The following ZSWIM5 variants were observed in gnomAD, a reference collection of about 807,000 sequenced individuals.
ZSWIM5 encodes zinc finger SWIM-type containing 5.
ZSWIM5 carries 55 observed loss-of-function variants against 119.6 expected under a neutral mutation model. That is an observed-to-expected ratio of 0.46 (90% CI 0.37 to 0.58). The LOEUF (loss-of-function observed/expected upper bound fraction) is 0.58. Among genes scored for constraint, ZSWIM5 ranks in the 20% least tolerant of loss-of-function variants. ZSWIM5 has a pLI of 0.00. For missense variants in ZSWIM5, 1,193 were observed against 1,512.8 expected, an observed-to-expected ratio of 0.79 and a Z score of 3.51; for synonymous variants, 537 against 606.9, an observed-to-expected ratio of 0.88 and a Z score of 1.69.
At chr1:45,081,839 C>G (rs1273279495) in intron 2 of ZSWIM5, among the ~76,000 whole-genome samples, 1 of 152,044 alleles carries the variant, frequency 6.6e-6, no homozygotes, top group Non-Finnish European at 1.5e-5. Context: ...CCCAACAGCT[C>G]ATTGAGAACG....
chr1:45,096,554 G>GCA lies in ZSWIM5; in HGVS notation c.596-8319_596-8318dup, dbSNP rs371529571. Among the ~76,000 whole-genome samples the GCA allele has an allele frequency of 2.0e-3, 274 of 135,328 alleles. 1 individual carries two copies. Among genetic ancestry groups the GCA allele is most frequent in the South Asian group, 4.6e-3 (19 of 4,142 alleles). The allele number at this position is 135,328 out of a possible 152,430, so 88.8% of individuals were successfully genotyped here. The stretch of plus-strand genomic sequence containing the variant: ...CCTATCAACACACACACACACACAC[G>GCA]CACACACACACACACACACACAGCC... On this transcript the variant is annotated intron_variant, in intron 1 of 13. Coordinates refer to ENST00000359600, the MANE Select transcript of ZSWIM5 (RefSeq NM_020883.2).
rs772815276 is a variant in ZSWIM5 at position 45,206,213 on chromosome 1, G to C, written c.138C>G (p.Gly46=). ...SPGAAGGGAG[G]VGSSCLVLGA... ...CGAGGACCAGGCAGCTGCTGCCGAC[G>C]CCCCCTGCCCCTCCGCCGGCTGCCC... The change falls in exon 1 of 14, where the codon GGC becomes GGG. Residue 46 remains glycine, a synonymous_variant. Transcript: ENST00000359600. 6.3e-7 allele frequency: 1 copy of C among 1,588,320 alleles called. No individual in the cohort carries two copies. The highest frequency in any genetic ancestry group is 1.1e-5 in the South Asian group (1 of 87,962).
At chr1:45,110,682 C>G (rs554520788) in intron 1 of ZSWIM5, among the ~76,000 whole-genome samples, 3 of 151,912 alleles carry the variant, frequency 2.0e-5, no homozygotes, top group Non-Finnish European at 4.4e-5. Flanking sequence ...CATGCAAAAT[C>G]GACAAGAAAA....
chr1:45,048,082 C>CTTTT (rs1187025417), intron 5 of ZSWIM5, among the ~76,000 whole-genome samples: 1 of 85,246 alleles, frequency 1.2e-5, no homozygotes, highest in Non-Finnish European at 2.3e-5. Flanking sequence ...TTTCTTTTCT[C>CTTTT]TTTTTTTTTT....
chr1:45,156,400 C>G (rs1340995719), intron 1 of ZSWIM5, among the ~76,000 whole-genome samples: 1 of 151,686 alleles, frequency 6.6e-6, no homozygotes, highest in Admixed American at 6.6e-5. Flanking sequence ...CACAATATAC[C>G]CATGTAACAA....
At chr1:45,085,527 T>G (rs1570078035) in intron 2 of ZSWIM5, among the ~76,000 whole-genome samples, 1 of 150,302 alleles carries the variant, frequency 6.7e-6, no homozygotes, top group East Asian at 2.0e-4. Flanking sequence ...TTAGTTTGTT[T>G]GTTTTTTTTT....
intron 1 of ZSWIM5, among the ~76,000 whole-genome samples, chr1:45,118,116 C>T (rs967558912): frequency 6.6e-6 from 1 of 151,820 alleles, no homozygotes; most frequent in Non-Finnish European, 1.5e-5. Context: ...AAAAAAAATT[C>T]TTGTTGTAAA....
chr1:45,129,350 G>A (rs1353916427), intron 1 of ZSWIM5, among the ~76,000 whole-genome samples: 1 of 151,322 alleles, frequency 6.6e-6, no homozygotes, highest in Non-Finnish European at 1.5e-5. Context: ...ATAGAGACGA[G>A]GTTTCACCAT....
At chr1:45,035,926 TTCATTCACTACATTTTA>T in intron 9 of ZSWIM5, 96 bp downstream of exon 9, 1 of 1,574,286 alleles carries the variant, frequency 6.4e-7, no homozygotes, top group East Asian at 2.2e-5. Flanking sequence ...CATGGGAACC[TTCATTCACTACATTTTA>T]ATGTCATAAA....
Position 45,019,980 on chromosome 1 carries a change from A to G in ZSWIM5, c.2695+86T>C. On this transcript the variant is annotated intron_variant, in intron 13 of 13. Coordinates refer to ENST00000359600, the MANE Select transcript of ZSWIM5 (RefSeq NM_020883.2). This position sits in a 1 kb window ranked among gnomAD's most constrained non-coding sequence, Gnocchi z 5.0. Reference sequence around the variant, plus strand: ...GGACCTAAGATCTCATAGGAATATGAGAGCTCTAAGGATTGATTGTCCTGT... The same window carrying G: ...GGACCTAAGATCTCATAGGAATATGGGAGCTCTAAGGATTGATTGTCCTGT... The G allele has an allele frequency of 8.7e-7, 1 of 1,152,070 alleles. No individual in the cohort carries two copies. Among genetic ancestry groups the G allele is most frequent in the South Asian group, 1.3e-5 (1 of 76,708 alleles). The allele number at this position is 1,152,070 out of a possible 1,614,324, so 71.4% of individuals were successfully genotyped here. A position where few individuals can be genotyped will look rare whatever the true frequency, so the allele number is the denominator to read the frequency against.
At chr1:45,065,229 G>A (rs993633837) in intron 2 of ZSWIM5, among the ~76,000 whole-genome samples, 1 of 152,216 alleles carries the variant, frequency 6.6e-6, no homozygotes, top group Non-Finnish European at 1.5e-5. Flanking sequence ...TGAGTACCTT[G>A]GAGCTAAGGA....
intron 1 of ZSWIM5, among the ~76,000 whole-genome samples, chr1:45,135,044 G>A (rs1645680998): frequency 6.6e-6 from 1 of 151,872 alleles, no homozygotes; most frequent in African/African-American, 2.4e-5. Flanking sequence ...CAATGAACAT[G>A]GGATTATTTT....
chr1:45,081,022 G>A (rs1311133306), intron 2 of ZSWIM5, among the ~76,000 whole-genome samples: 2 of 152,102 alleles, frequency 1.3e-5, no homozygotes, highest in East Asian at 1.9e-4. Flanking sequence ...AGCAGTTTTA[G>A]GAATTTTATT....
intron 1 of ZSWIM5, among the ~76,000 whole-genome samples, chr1:45,152,136 G>C (rs1310313308): frequency 1.3e-5 from 2 of 152,188 alleles, no homozygotes; most frequent in East Asian, 3.9e-4. Flanking sequence ...AAAGACCAGT[G>C]AGAGGCAAGC....
At chr1:45,159,879 G>A (rs375866697) in intron 1 of ZSWIM5, among the ~76,000 whole-genome samples, 6 of 152,212 alleles carry the variant, frequency 3.9e-5, no homozygotes, top group East Asian at 1.9e-4. Flanking sequence ...GTGAGCCACC[G>A]TGCCCGGCCT....
rs192809758 is a variant in ZSWIM5 at position 45,087,912 on chromosome 1, T to C, written c.921A>G (p.Leu307=). 2,596 of 1,611,932 alleles carry C rather than the reference T, an allele frequency of 1.6e-3. 3 individuals are homozygous for C. Among genetic ancestry groups the C allele is most frequent in the Admixed American group, 2.1e-3 (127 of 59,752 alleles). Residue 307 remains leucine (L), a synonymous_variant, in exon 2 of 14, where the codon CTA becomes CTG. Coordinates refer to ENST00000359600, the MANE Select transcript of ZSWIM5 (RefSeq NM_020883.2). ...CTTGGTTGATTTCTGAGTTGGAGGA[T>C]AGAATCTCATCTGCCAGTTTCTGTG... is the stretch of plus-strand genomic sequence containing the variant. ...PTAQKLADEI[L]SSNSEINQVN...
intron 1 of ZSWIM5, among the ~76,000 whole-genome samples, chr1:45,125,991 C>A (rs1241411614): frequency 1.3e-5 from 2 of 151,800 alleles, no homozygotes; most frequent in Non-Finnish European, 2.9e-5. Flanking sequence ...TTGCTTGAAC[C>A]CAGGAGCTTG....
chr1:45,048,114 C>G, intron 5 of ZSWIM5, among the ~76,000 whole-genome samples: 1 of 110,628 alleles, frequency 9.0e-6, no homozygotes, highest in Admixed American at 1.1e-4. Flanking sequence ...GACAGGGTCT[C>G]ATTTTGTTGC....
chr1:45,030,951 C>T (rs1644949254), intron 11 of ZSWIM5, among the ~76,000 whole-genome samples: 1 of 151,882 alleles, frequency 6.6e-6, no homozygotes, highest in African/African-American at 2.4e-5. Context: ...GCACCCACCA[C>T]CATGCCCAGC....
Sources: allele counts gnomAD v4.1 joint callset (sites outside exome capture counted in the v4.1 genomes callset), GRCh38; gene constraint gnomAD v4.1.1; non-coding constraint Gnocchi (gnomAD v3.1); transcripts MANE v1.5; gene names NCBI Gene and HGNC (gene_info 2026-07-23, HGNC 2026-07-21).